The following MTCL2 variants were observed in gnomAD, a reference collection of about 807,000 sequenced individuals.
The protein encoded by MTCL2 is microtubule cross-linking factor 2.
chr20:36,797,429 T>A, the MTCL2 span: 2 of 1,482,430 alleles, frequency 1.3e-6, no homozygotes, highest in African/African-American at 2.8e-5. Context: ...CTTCCTCTCA[T>A]GTCCCCCACA....
At chr20:36,796,482 T>G in the MTCL2 span, among the ~76,000 whole-genome samples, 9 of 152,164 alleles carry the variant, frequency 5.9e-5, no homozygotes, top group Non-Finnish European at 1.0e-4. Flanking sequence ...TCCTTGGCCA[T>G]AGCACAGGGC....
At chr20:36,807,970 G>A in the MTCL2 span, among the ~76,000 whole-genome samples, 1 of 147,506 alleles carries the variant, frequency 6.8e-6, no homozygotes, top group South Asian at 2.2e-4. Flanking sequence ...CCGCCTCCTG[G>A]GTTCACGCCA....
the MTCL2 span, chr20:36,808,753 G>C: frequency 6.4e-7 from 1 of 1,569,142 alleles, no homozygotes; most frequent in Non-Finnish European, 8.6e-7. Flanking sequence ...GCTGCCGGGG[G>C]ACAAGAGCTT....
the MTCL2 span, chr20:36,862,586 G>T: frequency 7.4e-7 from 1 of 1,360,292 alleles, no homozygotes; most frequent in Non-Finnish European, 9.6e-7. Context: ...AGGGCCGGCT[G>T]GTGCCTCAGG....
At chr20:36,863,029 C>G in the MTCL2 span, 1 of 1,401,486 alleles carries the variant, frequency 7.1e-7, no homozygotes, top group Non-Finnish European at 9.3e-7. This position sits in a 1 kb window ranked among gnomAD's most constrained non-coding sequence, Gnocchi z 6.2. Flanking sequence ...GGTCGCGGCC[C>G]CGCACCCGAG....
chr20:36,806,000 C>T, the MTCL2 span: 3 of 1,546,164 alleles, frequency 1.9e-6, no homozygotes, highest in Non-Finnish European at 2.6e-6. Flanking sequence ...GGGAAGTTTT[C>T]CCAAATTTTA....
chr20:36,809,046 C>A, the MTCL2 span, among the ~76,000 whole-genome samples: 1 of 152,188 alleles, frequency 6.6e-6, no homozygotes, highest in Admixed American at 6.5e-5. Context: ...CAATGAGGAA[C>A]CTGCGAGGGT....
chr20:36,795,407 C>T, the MTCL2 span, among the ~76,000 whole-genome samples: 1 of 152,134 alleles, frequency 6.6e-6, no homozygotes, highest in Admixed American at 6.6e-5. Context: ...GCACTTTCAC[C>T]TATACACCTA....
the MTCL2 span, among the ~76,000 whole-genome samples, chr20:36,800,574 G>A: frequency 6.6e-6 from 1 of 152,208 alleles, no homozygotes; most frequent in African/African-American, 2.4e-5. Context: ...CTCACTTTAT[G>A]ACCTTGGGCA....
chr20:36,848,160 TGAGA>T, the MTCL2 span, among the ~76,000 whole-genome samples: 1 of 152,078 alleles, frequency 6.6e-6, no homozygotes, highest in Admixed American at 6.6e-5. Flanking sequence ...TAAATAAAAA[TGAGA>T]GAGGGAGAGC....
At chr20:36,833,319 A>AG in the MTCL2 span, among the ~76,000 whole-genome samples, 1 of 152,246 alleles carries the variant, frequency 6.6e-6, no homozygotes, top group Non-Finnish European at 1.5e-5. Flanking sequence ...CCCTCAAGGT[A>AG]GGGGGGCTGA....
chr20:36,804,018 A>AGG, the MTCL2 span, among the ~76,000 whole-genome samples: 1 of 147,764 alleles, frequency 6.8e-6, no homozygotes, highest in Admixed American at 6.8e-5. Context: ...CAGGGGTTAG[A>AGG]GGTTTGGGGG....
At chr20:36,833,936 G>A in the MTCL2 span, among the ~76,000 whole-genome samples, 1 of 152,204 alleles carries the variant, frequency 6.6e-6, no homozygotes. Flanking sequence ...GCCGAGGCCG[G>A]CAGATCACTT....
At chr20:36,847,780 G>C in the MTCL2 span, among the ~76,000 whole-genome samples, 1 of 151,436 alleles carries the variant, frequency 6.6e-6, no homozygotes, top group Non-Finnish European at 1.5e-5. Context: ...CTTGAGCTTG[G>C]GAGGTTGAGG....
At chr20:36,840,762 C>T in the MTCL2 span, among the ~76,000 whole-genome samples, 3 of 151,796 alleles carry the variant, frequency 2.0e-5, no homozygotes, top group South Asian at 2.1e-4. Context: ...AGGAGAATGG[C>T]GTGAACCCAG....
At chr20:36,799,470 C>A in the MTCL2 span, among the ~76,000 whole-genome samples, 1 of 151,180 alleles carries the variant, frequency 6.6e-6, no homozygotes, top group East Asian at 1.9e-4. Context: ...CTAGTCTGGG[C>A]AACAAGAGTG....
the MTCL2 span, chr20:36,815,289 C>T: frequency 6.2e-7 from 1 of 1,614,010 alleles, no homozygotes; most frequent in South Asian, 1.1e-5. The surrounding 1 kb of genome is among the most constrained non-coding windows in gnomAD (Gnocchi z 5.3). Flanking sequence ...CTGCAGCACG[C>T]TCAGGCGCAC....
chr20:36,808,449 G>A, the MTCL2 span: 174 of 1,381,504 alleles, frequency 1.3e-4, no homozygotes, highest in East Asian at 1.8e-4. Context: ...CCAGCTGGGC[G>A]TCCCTTCCCT....
chr20:36,817,428 G>T, the MTCL2 span: 3 of 1,592,952 alleles, frequency 1.9e-6, no homozygotes, highest in Admixed American at 1.8e-5. Context: ...TCTTCTTATC[G>T]GCCTTCCCCA....
Sources: gnomAD v4.1 joint callset for allele counts (sites outside exome capture counted in the v4.1 genomes callset) on GRCh38, gnomAD v4.1.1 for gene constraint, Gnocchi (gnomAD v3.1) non-coding constraint, MANE v1.5 for transcripts, NCBI Gene and HGNC (gene_info 2026-07-23, HGNC 2026-07-21) for gene names.